The following THADA variants were observed in gnomAD, a reference collection of about 807,000 sequenced individuals.
THADA encodes the protein tRNA (32-2'-O)-methyltransferase regulator THADA.
In THADA, 213 loss-of-function variants were observed where a neutral mutation model predicts 219.8. The observed-to-expected ratio is 0.97, with a 90% CI of 0.87 to 1.09. THADA has a LOEUF of 1.09. Among genes scored for constraint, THADA ranks in the 50% least tolerant of loss-of-function variants. The pLI is 0.00. For missense variants in THADA, 2,956 were observed against 2,311.3 expected (o/e 1.28, Z -5.72); for synonymous variants, 1,018 against 828.9 (o/e 1.23, Z -3.92).
chr2:43,447,969 C>T (rs1373758743), intron 26 of THADA, among the ~76,000 whole-genome samples: 5 of 152,130 alleles, frequency 3.3e-5, no homozygotes, highest in Admixed American at 1.3e-4. Context: ...CTATGTTATC[C>T]GATTTTTGAC....
At chr2:43,480,189 C>A (rs1173232381) in intron 26 of THADA, among the ~76,000 whole-genome samples, 1 of 152,196 alleles carries the variant, frequency 6.6e-6, no homozygotes, top group East Asian at 1.9e-4. Context: ...CCTCATGAGC[C>A]TTAGGTCCCT....
intron 31 of THADA, among the ~76,000 whole-genome samples, chr2:43,316,355 A>G (rs918897278): frequency 1.5e-4 from 23 of 152,206 alleles, no homozygotes; most frequent in Non-Finnish European, 2.9e-5. Flanking sequence ...AGTGCTCAAT[A>G]TATCTCTGAG....
intron 26 of THADA, among the ~76,000 whole-genome samples, chr2:43,460,994 G>A (rs930371625): frequency 6.6e-6 from 1 of 152,186 alleles, no homozygotes; most frequent in Non-Finnish European, 1.5e-5. Context: ...GAAGGGGATG[G>A]CACAAGGACA....
At chr2:43,429,929 G>A (rs560239824) in intron 27 of THADA, among the ~76,000 whole-genome samples, 16 of 150,220 alleles carry the variant, frequency 1.1e-4, no homozygotes, top group Non-Finnish European at 1.8e-4. Context: ...CACACTTTGG[G>A]AGGCCCAGGT....
chr2:43,235,875 C>T (rs1444773326), intron 36 of THADA, among the ~76,000 whole-genome samples: 1 of 151,700 alleles, frequency 6.6e-6, no homozygotes, highest in East Asian at 1.9e-4. Context: ...GGCGGGATCT[C>T]GGCTCACTGC....
At chr2:43,268,392 C>A (rs1671766640) in intron 36 of THADA, among the ~76,000 whole-genome samples, 1 of 152,198 alleles carries the variant, frequency 6.6e-6, no homozygotes. Context: ...AATGTACACA[C>A]CCTGCCCCAC....
At chr2:43,451,385 C>T (rs930051801) in intron 26 of THADA, among the ~76,000 whole-genome samples, 4 of 152,168 alleles carry the variant, frequency 2.6e-5, no homozygotes. Context: ...AAGCACATTC[C>T]ATCCCCCACT....
intron 31 of THADA, among the ~76,000 whole-genome samples, chr2:43,312,191 C>A (rs1306602968): frequency 6.7e-6 from 1 of 148,572 alleles, no homozygotes; most frequent in African/African-American, 2.5e-5. Flanking sequence ...TGCACTCCAG[C>A]CTGGGTGACA....
At chr2:43,546,270 G>A (rs990828623) in intron 20 of THADA, among the ~76,000 whole-genome samples, 40 of 152,062 alleles carry the variant, frequency 2.6e-4, no homozygotes, top group Admixed American at 2.6e-3. Flanking sequence ...TACATTTGCT[G>A]AGGAGAGCTT....
At chr2:43,292,728 C>T in intron 32 of THADA, 106 bp downstream of exon 32, 3 of 1,403,064 alleles carry the variant, frequency 2.1e-6, no homozygotes, top group Admixed American at 2.1e-5. Flanking sequence ...TCCTATTGCC[C>T]CTGGAGAGCC....
chr2:43,402,762 T>A (rs996042466), intron 28 of THADA, among the ~76,000 whole-genome samples: 1 of 152,244 alleles, frequency 6.6e-6, no homozygotes, highest in Admixed American at 6.5e-5. Flanking sequence ...TCTCAGGCCA[T>A]GAGAAGTAAA....
rs183086055 is a variant in THADA at position 43,412,342 on chromosome 2, A to C, written c.4059-14203T>G. On this transcript the variant is annotated intron_variant, in intron 28 of 37. Coordinates refer to ENST00000405975, the MANE Select transcript of THADA (RefSeq NM_022065.5). Reference sequence around the variant, plus strand: ...AGTGCATAATCTTCAACCCAAGATTAAAAATAAAGTGCTATGTGTGAAATT... The same window carrying C: ...AGTGCATAATCTTCAACCCAAGATTCAAAATAAAGTGCTATGTGTGAAATT... 4.1e-3 allele frequency among the ~76,000 whole-genome samples: 627 copies of C among 152,300 alleles called. 4 individuals carry two copies. The highest frequency in any genetic ancestry group is 0.015 in the African/African-American group (603 of 41,584).
chr2:43,548,459 C>G (rs1466248847), intron 20 of THADA, among the ~76,000 whole-genome samples: 3 of 152,206 alleles, frequency 2.0e-5, no homozygotes, highest in Non-Finnish European at 2.9e-5. Context: ...TGTTTGTGCC[C>G]TGCCCCCAGA....
At chr2:43,306,301 T>C (rs925488157) in intron 31 of THADA, among the ~76,000 whole-genome samples, 2 of 152,210 alleles carry the variant, frequency 1.3e-5, no homozygotes, top group South Asian at 4.1e-4. Context: ...TGTGAGGTAC[T>C]GCGCTCGGCC....
At chr2:43,468,921 G>T (rs1684585984) in intron 26 of THADA, among the ~76,000 whole-genome samples, 1 of 152,174 alleles carries the variant, frequency 6.6e-6, no homozygotes, top group Non-Finnish European at 1.5e-5. Flanking sequence ...AAAATAAATT[G>T]CTCAAAGTCA....
chr2:43,390,076 C>A (rs1335629576), intron 29 of THADA, among the ~76,000 whole-genome samples: 3 of 152,184 alleles, frequency 2.0e-5, no homozygotes, highest in African/African-American at 7.2e-5. Flanking sequence ...CTCTACATCT[C>A]TAAGGCCCAG....
At chr2:43,482,138 C>G (rs1372831437) in intron 26 of THADA, among the ~76,000 whole-genome samples, 1 of 152,020 alleles carries the variant, frequency 6.6e-6, no homozygotes, top group Non-Finnish European at 1.5e-5. Flanking sequence ...TCTGTCAGGC[C>G]AAGTCAGTCA....
chr2:43,565,944 C>T (rs1698619230), intron 15 of THADA: 1 of 152,218 alleles, frequency 6.6e-6, no homozygotes, highest in African/African-American at 2.4e-5. Flanking sequence ...AAAAATTAGC[C>T]AGGTGTAGCG....
intron 36 of THADA, among the ~76,000 whole-genome samples, chr2:43,257,347 T>C (rs2104178615): frequency 6.6e-6 from 1 of 152,342 alleles, no homozygotes; most frequent in South Asian, 2.1e-4. Flanking sequence ...CCCCAAACCC[T>C]GCGCCTCCCT....
Sources: allele counts gnomAD v4.1 joint callset (sites outside exome capture counted in the v4.1 genomes callset), GRCh38; gene constraint gnomAD v4.1.1; transcripts MANE v1.5; gene names NCBI Gene and HGNC (gene_info 2026-07-23, HGNC 2026-07-21).